The following MPZL2 variants were observed in gnomAD, a reference collection of about 807,000 sequenced individuals.
MPZL2 encodes myelin protein zero-like protein 2.
MPZL2 carries 32 observed loss-of-function variants against 24.5 expected under a neutral mutation model. The observed-to-expected ratio is 1.31, with a 90% CI of 0.99 to 1.76. The LOEUF (loss-of-function observed/expected upper bound fraction) is 1.76. Among genes scored for constraint, MPZL2 ranks in the 40% most tolerant of loss-of-function variants. The pLI, the probability that MPZL2 is intolerant of heterozygous loss-of-function variation, is 0.00. For missense variants in MPZL2, 304 were observed against 274.9 expected, an observed-to-expected ratio of 1.11 and a Z score of -0.75; for synonymous variants, 92 against 97.9, an observed-to-expected ratio of 0.94 and a Z score of 0.36.
chr11:118,263,085 A>G lies in MPZL2; in HGVS notation c.71T>C (p.Ile24Thr), dbSNP rs777982502. The G allele has an allele frequency of 6.8e-6, 11 of 1,613,640 alleles. No homozygotes were observed. In the South Asian group the frequency reaches 7.7e-5, roughly 11 times the overall value. ...GGAGGTATAAATTTCCACAGCTGCTATAGGCCAAAGAGCTGCAATGAAAAA... is the reference window on the plus strand; with the variant it reads ...GGAGGTATAAATTTCCACAGCTGCTGTAGGCCAAAGAGCTGCAATGAAAAA... ...LGIQLTALWP[I>T]AAVEIYTSRV... The change falls in exon 2 of 6, where the codon ATA (isoleucine) becomes ACA (threonine). Residue 24 changes from isoleucine (I) to threonine (T), a missense_variant. Coordinates refer to ENST00000278937, the MANE Select transcript of MPZL2 (RefSeq NM_005797.4).
chr11:118,257,621 C>CAA (rs144712258), intron 4 of MPZL2: 7 of 209,878 alleles, frequency 3.3e-5, no homozygotes, highest in East Asian at 2.1e-4. Context: ...ATTTGTTATT[C>CAA]AAAAAAAAAA....
chr11:118,258,324 T>C (rs1355803423), intron 4 of MPZL2, among the ~76,000 whole-genome samples: 1 of 152,104 alleles, frequency 6.6e-6, no homozygotes, highest in East Asian at 1.9e-4. Flanking sequence ...CAAAGGACAC[T>C]ATGAAGAACA....
At chr11:118,263,991 G>T (rs1007874253) in intron 1 of MPZL2, 105 bp downstream of exon 1, 2 of 1,203,164 alleles carry the variant, frequency 1.7e-6, no homozygotes, top group African/African-American at 1.5e-5. Flanking sequence ...TGTATCTGTG[G>T]CTCAGGCTCC....
intron 4 of MPZL2, among the ~76,000 whole-genome samples, chr11:118,258,232 G>A (rs1949675319): frequency 6.6e-6 from 1 of 152,112 alleles, no homozygotes; most frequent in Admixed American, 6.6e-5. Context: ...TTAGGCAGTG[G>A]TTTTTTAGAT....
Position 118,262,405 on chromosome 11 carries a change from C to G in MPZL2, c.436+33G>C. ...CCTTTCTTTTCTACAAGCTCTCATC[C>G]TTTCCAAAACCACTGTTCCCTGCAT... On this transcript the variant is annotated intron_variant, in intron 3 of 5. Transcript: ENST00000278937. 1.2e-6 allele frequency: 2 copies of G among 1,606,110 alleles called. 1 individual carries two copies. Among genetic ancestry groups the G allele is most frequent in the South Asian group, 2.2e-5 (2 of 90,840 alleles).
intron 1 of MPZL2, 57 bp from the exon 2 acceptor site, chr11:118,263,154 T>C: frequency 6.6e-7 from 1 of 1,520,274 alleles, no homozygotes; most frequent in Non-Finnish European, 8.9e-7. Flanking sequence ...TTGTGAGAAC[T>C]TCTGCTGACA....
chr11:118,260,508 C>T (rs7120665), intron 3 of MPZL2, among the ~76,000 whole-genome samples: 103,998 of 152,010 alleles, frequency 0.68, 35,956 homozygotes, highest in South Asian at 0.82. Context: ...CAATCTGTGT[C>T]TTAACAGGTC....
At chr11:118,256,373 G>T (rs913844353) in intron 5 of MPZL2, among the ~76,000 whole-genome samples, 9 of 152,148 alleles carry the variant, frequency 5.9e-5, no homozygotes, top group African/African-American at 2.2e-4. Context: ...AAATAAATTG[G>T]CCCGGCGCAG....
intron 3 of MPZL2, among the ~76,000 whole-genome samples, chr11:118,261,885 T>C (rs190661829): frequency 7.6e-4 from 116 of 152,314 alleles, no homozygotes; most frequent in African/African-American, 2.7e-3. Flanking sequence ...CGTTTCCTCA[T>C]TGGCAAGATG....
intron 4 of MPZL2, 93 bp downstream of exon 4, chr11:118,259,960 GA>G: frequency 1.4e-6 from 2 of 1,417,572 alleles, no homozygotes; most frequent in Non-Finnish European, 1.9e-6. Flanking sequence ...TACTTAAAGG[GA>G]AAAACATCTG....
chr11:118,258,021 A>G (rs557251328), intron 4 of MPZL2, among the ~76,000 whole-genome samples: 24 of 152,290 alleles, frequency 1.6e-4, no homozygotes, highest in African/African-American at 5.8e-4. Flanking sequence ...AAAAAAAAAA[A>G]AGGCTGTTTA....
intron 5 of MPZL2, chr11:118,256,923 A>C (rs1949663851): frequency 5.6e-6 from 1 of 177,954 alleles, no homozygotes; most frequent in Non-Finnish European, 1.2e-5. Flanking sequence ...TTGATTTAAA[A>C]AAGATTTATT....
At position 118,254,208 on chromosome 11, in the gene MPZL2, T is replaced by G. The variant is rs573994597; in HGVS notation, c.*1038A>C. On this transcript the variant is annotated 3_prime_UTR_variant, in exon 6 of 6. Transcript: ENST00000278937. ...ATACCAAAGTCTTCCTCCCCCAAAA[T>G]AAACAAGTGAATTAGAATTAAAAAA... 1 of 152,292 alleles carries G rather than the reference T, an allele frequency of 6.6e-6. No individual in the cohort carries two copies. The highest frequency in any genetic ancestry group is 1.9e-4 in the East Asian group (1 of 5,188). The allele number at this position is 152,292 out of a possible 1,614,324, so 9.4% of individuals were successfully genotyped here. A position where few individuals can be genotyped will look rare whatever the true frequency, so the allele number is the denominator to read the frequency against.
At chr11:118,260,782 C>G (rs1591505191) in intron 3 of MPZL2, among the ~76,000 whole-genome samples, 1 of 152,320 alleles carries the variant, frequency 6.6e-6, no homozygotes, top group East Asian at 1.9e-4. Context: ...TCAGAAGCTA[C>G]AGTCTAGTGG....
chr11:118,256,446 G>T lies in MPZL2; in HGVS notation c.*12+792C>A, dbSNP rs150066643. ...AGGCAGGTGGATCGCTTGAGCTCAG[G>T]TGAGACCAGCCTAGGCAACATGGGG... is the stretch of plus-strand genomic sequence containing the variant. On this transcript the variant is annotated intron_variant, in intron 5 of 5. Coordinates refer to ENST00000278937, the MANE Select transcript of MPZL2 (RefSeq NM_005797.4). Among the ~76,000 whole-genome samples, 3 of 152,202 alleles carry T rather than the reference G, an allele frequency of 2.0e-5. No individual in the cohort carries two copies. In the East Asian group the frequency reaches 5.8e-4, roughly 29 times the overall value.
chr11:118,255,907 T>G (rs1199541711), intron 5 of MPZL2, among the ~76,000 whole-genome samples: 3 of 152,204 alleles, frequency 2.0e-5, no homozygotes, highest in Non-Finnish European at 4.4e-5. Flanking sequence ...ATTCATCCAG[T>G]TGGGGATCAC....
chr11:118,261,152 G>A (rs1591505290), intron 3 of MPZL2, among the ~76,000 whole-genome samples: 1 of 152,174 alleles, frequency 6.6e-6, no homozygotes, highest in South Asian at 2.1e-4. Context: ...TTGTGCAGAT[G>A]AAGAAACTGA....
intron 1 of MPZL2, 154 bp from the exon 2 acceptor site, chr11:118,263,251 A>G (rs1949716274): frequency 1.3e-6 from 1 of 742,756 alleles, no homozygotes. Context: ...CAGAATCTAC[A>G]TACTCCTACC....
At chr11:118,263,951 G>T (rs1369832451) in intron 1 of MPZL2, 145 bp downstream of exon 1, 5 of 786,564 alleles carry the variant, frequency 6.4e-6, no homozygotes, top group African/African-American at 5.2e-5. Flanking sequence ...CACCAACTTT[G>T]GTTTCAGTAA....
Sources: allele counts gnomAD v4.1 joint callset (sites outside exome capture counted in the v4.1 genomes callset), GRCh38; gene constraint gnomAD v4.1.1; transcripts MANE v1.5; gene names NCBI Gene and HGNC (gene_info 2026-07-23, HGNC 2026-07-21).